Variants in POC1B observed in about 807,000 individuals in gnomAD.
POC1B encodes POC1 centriolar protein homolog B.
A neutral mutation model predicts 60.6 loss-of-function variants in POC1B; 44 were observed. The observed-to-expected ratio is 0.73, with a 90% CI of 0.57 to 0.93. POC1B has a LOEUF of 0.93. Among genes scored for constraint, POC1B ranks in the 40% least tolerant of loss-of-function variants. The pLI is 0.00. For synonymous variants in POC1B, 180 were observed against 198.9 expected, an observed-to-expected ratio of 0.90 and a Z score of 0.80; for missense variants, 555 against 572.3, an observed-to-expected ratio of 0.97 and a Z score of 0.31.
chr12:89,460,248 A>T (rs1260541671), intron 9 of POC1B, among the ~76,000 whole-genome samples: 3 of 152,170 alleles, frequency 2.0e-5, no homozygotes, highest in African/African-American at 7.2e-5. Flanking sequence ...TTTAAAGGAC[A>T]CCATTTACAA....
At chr12:89,432,803 C>A (rs1881093859) in intron 10 of POC1B, among the ~76,000 whole-genome samples, 1 of 152,194 alleles carries the variant, frequency 6.6e-6, no homozygotes, top group Admixed American at 6.5e-5. Context: ...TTCTAGATTT[C>A]TGTGGAGAAG....
chr12:89,502,719 G>A, intron 2 of POC1B: 1 of 1,351,922 alleles, frequency 7.4e-7, no homozygotes, highest in East Asian at 2.3e-5. Context: ...TTTTCTACTG[G>A]GAAATTGATA....
intron 10 of POC1B, among the ~76,000 whole-genome samples, chr12:89,446,971 G>C (rs1432614632): frequency 1.3e-5 from 2 of 152,062 alleles, no homozygotes; most frequent in Non-Finnish European, 2.9e-5. Flanking sequence ...CTCATAGTTT[G>C]GGATATAAAC....
chr12:89,422,158 A>C (rs1015324748), intron 11 of POC1B, among the ~76,000 whole-genome samples: 2 of 152,128 alleles, frequency 1.3e-5, no homozygotes, highest in Non-Finnish European at 2.9e-5. Context: ...ACCATCACCC[A>C]TAGCAAGAAC....
chr12:89,479,034 T>C (rs1400486581), intron 4 of POC1B, among the ~76,000 whole-genome samples: 5 of 152,218 alleles, frequency 3.3e-5, no homozygotes, highest in South Asian at 2.1e-4. Flanking sequence ...CCTACATACA[T>C]GTATTTCAAA....
chr12:89,523,581 G>A (rs762041232), intron 2 of POC1B: 3 of 1,578,358 alleles, frequency 1.9e-6, no homozygotes, highest in Non-Finnish European at 2.6e-6. Context: ...ACGTTCCAAG[G>A]TACTGAAAAT....
the POC1B span, among the ~76,000 whole-genome samples, chr12:89,404,104 C>T: frequency 6.6e-6 from 1 of 151,490 alleles, no homozygotes; most frequent in African/African-American, 2.4e-5. Context: ...TGTATTCCAA[C>T]CTGGACAACA....
chr12:89,428,549 C>T (rs1011954538), intron 10 of POC1B: 5 of 152,104 alleles, frequency 3.3e-5, no homozygotes, highest in Admixed American at 1.3e-4. Context: ...AAAATGTTAA[C>T]CACTTGTATA....
chr12:89,440,207 C>T (rs996800539), intron 10 of POC1B, among the ~76,000 whole-genome samples: 2 of 152,174 alleles, frequency 1.3e-5, no homozygotes, highest in African/African-American at 4.8e-5. Context: ...CATGGAAATC[C>T]AGCTCATCTT....
intron 10 of POC1B, among the ~76,000 whole-genome samples, chr12:89,453,759 A>G (rs919592370): frequency 1.3e-5 from 2 of 152,212 alleles, no homozygotes; most frequent in African/African-American, 2.4e-5. Context: ...AGGAACTGAA[A>G]TAACTCTGAA....
chr12:89,417,571 T>TA (rs1391906071), downstream of POC1B, among the ~76,000 whole-genome samples: 1 of 152,200 alleles, frequency 6.6e-6, no homozygotes, highest in Non-Finnish European at 1.5e-5. Flanking sequence ...TTATCTTTTT[T>TA]AAAAAAGTCT....
chr12:89,449,678 G>T (rs1489237724), intron 10 of POC1B, among the ~76,000 whole-genome samples: 1 of 152,062 alleles, frequency 6.6e-6, no homozygotes, highest in Non-Finnish European at 1.5e-5. Flanking sequence ...AATTCATATG[G>T]ATAAGTAATA....
At chr12:89,481,893 GA>G (rs1230532889) in intron 4 of POC1B, among the ~76,000 whole-genome samples, 2 of 152,092 alleles carry the variant, frequency 1.3e-5, no homozygotes, top group Non-Finnish European at 2.9e-5. Flanking sequence ...GACTACACTA[GA>G]TCCACCCTAC....
rs538588196 is a variant in POC1B at position 89,430,661 on chromosome 12, C to T, written c.1114-5282G>A. On this transcript the variant is annotated intron_variant, in intron 10 of 11. Coordinates refer to ENST00000313546, the MANE Select transcript of POC1B (RefSeq NM_172240.3). ...TTAATCACTAGTGCCATTTCACTCC[C>T]ACAAGACTTCGTGCCATCAGTAGAG... Among the ~76,000 whole-genome samples the T allele has an allele frequency of 1.1e-3, 163 of 152,234 alleles. 1 individual carries two copies. The highest frequency in any genetic ancestry group is 3.8e-3 in the African/African-American group (158 of 41,516).
At chr12:89,519,921 A>G (rs944289104) in intron 2 of POC1B, 4 of 152,204 alleles carry the variant, frequency 2.6e-5, no homozygotes, top group African/African-American at 2.4e-5. Context: ...TATTTTCCTA[A>G]AACTGTTTTT....
At chr12:89,482,167 G>C (rs954302812) in intron 4 of POC1B, among the ~76,000 whole-genome samples, 1 of 152,204 alleles carries the variant, frequency 6.6e-6, no homozygotes, top group African/African-American at 2.4e-5. Flanking sequence ...TAAAGGAAAA[G>C]ACGGGCATCA....
intron 2 of POC1B, among the ~76,000 whole-genome samples, chr12:89,511,248 T>A (rs2135758252): frequency 6.6e-6 from 1 of 151,238 alleles, no homozygotes; most frequent in Admixed American, 6.6e-5. Context: ...CATGGTGAAA[T>A]CCCATCTCTA....
intron 11 of POC1B, 22 bp downstream of exon 11, chr12:89,425,139 A>G (rs376752246): frequency 1.9e-6 from 3 of 1,611,310 alleles, no homozygotes; most frequent in East Asian, 4.5e-5. Flanking sequence ...AGTGCAACTC[A>G]TGCAACCTGT....
At chr12:89,437,280 C>G (rs1592584905) in intron 10 of POC1B, among the ~76,000 whole-genome samples, 5 of 152,246 alleles carry the variant, frequency 3.3e-5, no homozygotes, top group Admixed American at 3.3e-4. Context: ...GCTGAAAATC[C>G]TTCACTGGTC....
Sources: allele counts gnomAD v4.1 joint callset (sites outside exome capture counted in the v4.1 genomes callset), GRCh38; gene constraint gnomAD v4.1.1; transcripts MANE v1.5; gene names NCBI Gene and HGNC (gene_info 2026-07-23, HGNC 2026-07-21).